Variants in ANLN observed in about 807,000 individuals in gnomAD.
ANLN encodes anillin.
A neutral mutation model predicts 135.1 loss-of-function variants in ANLN; 59 were observed. The ratio of observed to expected loss-of-function variants is 0.44; its 90% confidence interval spans 0.35 to 0.54. ANLN has a LOEUF of 0.54. Ranked by LOEUF, ANLN falls within the 20% of genes least tolerant of loss-of-function variation. The pLI, the probability that ANLN is intolerant of heterozygous loss-of-function variation, is 0.00. For missense variants in ANLN, 1,182 were observed against 1,340.0 expected (o/e 0.88, Z 1.84); for synonymous variants, 406 against 456.4 (o/e 0.89, Z 1.41).
chr7:36,410,122 T>C (rs1243883294), intron 5 of ANLN, among the ~76,000 whole-genome samples: 1 of 152,194 alleles, frequency 6.6e-6, no homozygotes, highest in Non-Finnish European at 1.5e-5. Flanking sequence ...ACTATAGATA[T>C]ATGTAAGTTG....
intron 14 of ANLN, 70 bp from the exon 15 acceptor site, chr7:36,423,747 A>T (rs1787972131): frequency 7.2e-7 from 1 of 1,388,988 alleles, no homozygotes; most frequent in African/African-American, 1.5e-5. Flanking sequence ...TTTCTTTGGT[A>T]TTCCAGAATG....
intron 1 of ANLN, among the ~76,000 whole-genome samples, chr7:36,393,242 T>G (rs1786557902): frequency 6.6e-6 from 1 of 152,212 alleles, no homozygotes; most frequent in South Asian, 2.1e-4. Flanking sequence ...CAAGCTGGTC[T>G]CAAATTCCTA....
intron 22 of ANLN, among the ~76,000 whole-genome samples, chr7:36,444,927 T>C (rs1027067999): frequency 6.6e-6 from 1 of 151,936 alleles, no homozygotes; most frequent in African/African-American, 2.4e-5. Context: ...CAATTATTAA[T>C]ATTTTAAAAA....
intron 13 of ANLN, among the ~76,000 whole-genome samples, chr7:36,422,193 C>A (rs940090092): frequency 6.6e-6 from 1 of 151,816 alleles, no homozygotes; most frequent in Non-Finnish European, 1.5e-5. Flanking sequence ...TAGAAGCAAC[C>A]GAAAGGCATT....
Position 36,452,529 on chromosome 7 carries a change from C to A in ANLN, c.3304C>A (p.Leu1102Ile). ...AGAGCGGGATCTCTGGATGCAAAAA[C>A]TCAATCAAGTTCTTGTTGATATTCG... ...KEERDLWMQK[L>I]NQVLVDIRLW... The change falls in exon 24 of 24, where the codon CTC (leucine) becomes ATC (isoleucine). Residue 1102 changes from leucine (L) to isoleucine (I), a missense_variant. Physicochemically the swap from Leu to Ile is conservative, Grantham distance 5. This residue lies in a region of ANLN where 78 missense variants were observed against 72.7 expected (regional missense o/e 1.07). Coordinates refer to ENST00000265748, the MANE Select transcript of ANLN (RefSeq NM_018685.5). 6.2e-7 allele frequency: 1 copy of A among 1,614,058 alleles called. No individual in the cohort carries two copies. Among genetic ancestry groups the A allele is most frequent in the Non-Finnish European group, 8.5e-7 (1 of 1,179,966 alleles).
chr7:36,424,546 C>A lies in ANLN; in HGVS notation c.2605C>A (p.Gln869Lys), dbSNP rs764708673. Residue 869 changes from glutamine to lysine, a missense_variant and splice_region_variant, in exon 16 of 24, where the codon CAA becomes AAA. This residue lies in a region of ANLN where 1,022 missense variants were observed against 1,134.0 expected (regional missense o/e 0.90). Coordinates refer to ENST00000265748, the MANE Select transcript of ANLN (RefSeq NM_018685.5). ...TTACTTAATGCTTTATTTTTCCAGG[C>A]AAGATGTATCCAATGACTTTGAAAT... ...ALTFTTTFTL[Q>K]DVSNDFEINI... 6.3e-7 allele frequency: 1 copy of A among 1,595,358 alleles called. No homozygotes were observed. Among genetic ancestry groups the A allele is most frequent in the Admixed American group, 1.7e-5 (1 of 58,938 alleles).
chr7:36,453,597 T>C lies in ANLN; in HGVS notation c.*997T>C, dbSNP rs1190500455. 2 of 152,402 alleles carry C rather than the reference T, an allele frequency of 1.3e-5. No individual in the cohort carries two copies. Among genetic ancestry groups the C allele is most frequent in the African/African-American group, 4.8e-5 (2 of 41,452 alleles). The allele number at this position is 152,402 out of a possible 1,614,324, so 9.4% of individuals were successfully genotyped here. ...TTATAAAATATTGTAAAGCAGGGTC[T>C]CAACTTTTAAATACACTTTGAACTT... On this transcript the variant is annotated 3_prime_UTR_variant, in exon 24 of 24. Transcript: ENST00000265748.
At chr7:36,417,036 AG>A in intron 8 of ANLN, 43 bp from the exon 9 acceptor site, 3 of 992,348 alleles carry the variant, frequency 3.0e-6, no homozygotes, top group Admixed American at 2.5e-5. Flanking sequence ...AGAAAATTAT[AG>A]GTTCTTATAT....
chr7:36,416,322 G>T (rs921286887), intron 8 of ANLN, among the ~76,000 whole-genome samples: 1 of 151,902 alleles, frequency 6.6e-6, no homozygotes, highest in African/African-American at 2.4e-5. Context: ...CCCAGCCCAG[G>T]GTTTTCTACA....
chr7:36,419,422 C>T lies in ANLN; in HGVS notation c.1812C>T (p.Ile604=), dbSNP rs1787779587. The change falls in exon 10 of 24, where the codon ATC becomes ATT. Residue 604 remains isoleucine (I), a synonymous_variant. Coordinates refer to ENST00000265748, the MANE Select transcript of ANLN (RefSeq NM_018685.5). The stretch of plus-strand genomic sequence containing the variant: ...AAGAACAGGAAGATGCACTGAATAT[C>T]TCCTCAATGTCTTTACTTGCACCAT... ...SSEEQEDALN[I]SSMSLLAPLA... The T allele has an allele frequency of 6.2e-7, 1 of 1,614,146 alleles. No individual in the cohort carries two copies. The highest frequency in any genetic ancestry group is 1.1e-5 in the South Asian group (1 of 91,086).
intron 20 of ANLN, among the ~76,000 whole-genome samples, chr7:36,430,253 G>A (rs1033300721): frequency 6.6e-6 from 1 of 152,158 alleles, no homozygotes; most frequent in Admixed American, 6.5e-5. Flanking sequence ...TTTTACTGGT[G>A]CCTTGACCAG....
At chr7:36,393,541 G>C (rs1786569494) in intron 1 of ANLN, among the ~76,000 whole-genome samples, 1 of 152,208 alleles carries the variant, frequency 6.6e-6, no homozygotes, top group Non-Finnish European at 1.5e-5. Flanking sequence ...GGTGGGTACT[G>C]AACAAACGTG....
intron 22 of ANLN, among the ~76,000 whole-genome samples, chr7:36,445,795 A>G (rs778172545): frequency 2.0e-5 from 3 of 152,228 alleles, no homozygotes; most frequent in Non-Finnish European, 2.9e-5. Context: ...ATTTTGTCAA[A>G]TGAGTCTCAA....
intron 3 of ANLN, among the ~76,000 whole-genome samples, chr7:36,405,014 C>T (rs1787129546): frequency 6.6e-6 from 1 of 152,138 alleles, no homozygotes; most frequent in South Asian, 2.1e-4. Context: ...GAAGATAGGG[C>T]GTGGGCTACT....
intron 6 of ANLN, 108 bp from the exon 7 acceptor site, chr7:36,410,951 T>G (rs762509620): frequency 2.0e-4 from 221 of 1,091,028 alleles, no homozygotes; most frequent in Non-Finnish European, 2.7e-4. Context: ...GAAAACTGTT[T>G]AAACTTTTTA....
intron 9 of ANLN, 136 bp downstream of exon 9, chr7:36,417,326 A>G: frequency 5.2e-6 from 3 of 581,148 alleles, no homozygotes; most frequent in African/African-American, 3.8e-5. Context: ...TTCTACCAAG[A>G]TGTGGTACTG....
chr7:36,402,280 T>G lies in ANLN; in HGVS notation c.487+2887T>G, dbSNP rs192636238. On this transcript the variant is annotated intron_variant, in intron 3 of 23. Transcript: ENST00000265748. ...GCACACGCCACCACACCCAGCTAAT[T>G]TTTTGTATTTTTAGTAGAGACAAGA... Among the ~76,000 whole-genome samples, 19 of 74,594 alleles carry G rather than the reference T, an allele frequency of 2.5e-4. 5 individuals carry two copies. Among genetic ancestry groups the G allele is most frequent in the Middle Eastern group, 6.5e-3 (1 of 154 alleles). 48.9% of individuals were successfully genotyped at this position (74,594 alleles called of 152,430 possible).
At chr7:36,409,077 G>A (rs1181428493) in intron 5 of ANLN, among the ~76,000 whole-genome samples, 1 of 152,174 alleles carries the variant, frequency 6.6e-6, no homozygotes, top group Admixed American at 6.5e-5. Context: ...TTCCAGTTGA[G>A]CCAGAATGAG....
chr7:36,445,570 A>T (rs533503579), intron 22 of ANLN, among the ~76,000 whole-genome samples: 1 of 152,128 alleles, frequency 6.6e-6, no homozygotes, highest in African/African-American at 2.4e-5. Context: ...CAATTTATCC[A>T]TTCTCCTGTT....
Sources: allele counts gnomAD v4.1 joint callset (sites outside exome capture counted in the v4.1 genomes callset), GRCh38; gene constraint gnomAD v4.1.1; regional missense constraint gnomAD v4.1.1; transcripts MANE v1.5; gene names NCBI Gene and HGNC (gene_info 2026-07-23, HGNC 2026-07-21).